RALYL: variants seen among roughly 807,000 people sequenced by gnomAD.
RALYL encodes the protein RNA-binding Raly-like protein.
Under a neutral mutation model 35.1 loss-of-function variants are expected in RALYL, and 29 were observed. The ratio of observed to expected loss-of-function variants is 0.83; its 90% CI spans 0.61 to 1.13. The LOEUF (loss-of-function observed/expected upper bound fraction) is 1.13. Among genes scored for constraint, RALYL ranks in the 50% most tolerant of loss-of-function variants. RALYL has a pLI of 0.00. For synonymous variants in RALYL, 120 were observed against 127.6 expected (o/e 0.94, Z 0.40); for missense variants, 359 against 360.4 (o/e 1.00, Z 0.03).
At chr8:84,733,021 A>G (rs982231311) in intron 2 of RALYL, among the ~76,000 whole-genome samples, 2 of 152,008 alleles carry the variant, frequency 1.3e-5, no homozygotes, top group Non-Finnish European at 2.9e-5. Context: ...GAAAATTAGT[A>G]TGCATTTTAC....
intron 2 of RALYL, among the ~76,000 whole-genome samples, chr8:84,763,643 G>A (rs143220433): frequency 4.5e-4 from 69 of 152,198 alleles, no homozygotes; most frequent in Non-Finnish European, 7.5e-4. Context: ...TTTATCTCTT[G>A]ATAAAATATA....
intron 2 of RALYL, among the ~76,000 whole-genome samples, chr8:84,610,101 G>A (rs899464525): frequency 2.0e-5 from 3 of 152,040 alleles, no homozygotes; most frequent in African/African-American, 7.2e-5. Flanking sequence ...GATTTGGGTA[G>A]GGACACAGCC....
At chr8:84,837,466 C>T (rs751527653) in intron 4 of RALYL, among the ~76,000 whole-genome samples, 11 of 151,964 alleles carry the variant, frequency 7.2e-5, no homozygotes, top group East Asian at 3.9e-4. Flanking sequence ...TAATGAAGTT[C>T]GGTGAGGGAA....
intron 1 of RALYL, among the ~76,000 whole-genome samples, chr8:84,283,944 C>A (rs1379995141): frequency 6.6e-6 from 1 of 151,188 alleles, no homozygotes. Flanking sequence ...TTAAATGGAA[C>A]CTTACATTAG....
chr8:84,224,953 C>G (rs1001065857), intron 1 of RALYL, among the ~76,000 whole-genome samples: 1 of 152,204 alleles, frequency 6.6e-6, no homozygotes, highest in Non-Finnish European at 1.5e-5. Context: ...CTGCACCCGG[C>G]CACTTCATTA....
At chr8:84,618,324 G>A (rs1820361369) in intron 2 of RALYL, among the ~76,000 whole-genome samples, 1 of 151,756 alleles carries the variant, frequency 6.6e-6, no homozygotes, top group Non-Finnish European at 1.5e-5. Flanking sequence ...AGTCTTGGGA[G>A]GGTGTATGTG....
At chr8:84,689,826 C>T (rs968694598) in intron 2 of RALYL, among the ~76,000 whole-genome samples, 1 of 151,928 alleles carries the variant, frequency 6.6e-6, no homozygotes, top group African/African-American at 2.4e-5. Flanking sequence ...CTCTGATGGC[C>T]AGTGATGGTG....
intron 4 of RALYL, among the ~76,000 whole-genome samples, chr8:84,819,133 G>T (rs186760232): frequency 6.6e-6 from 1 of 151,678 alleles, no homozygotes; most frequent in Non-Finnish European, 1.5e-5. Context: ...ACTTTTTTGC[G>T]TTTTTTTTAA....
At chr8:84,627,496 T>C (rs898141846) in intron 2 of RALYL, among the ~76,000 whole-genome samples, 1 of 149,420 alleles carries the variant, frequency 6.7e-6, no homozygotes, top group South Asian at 2.2e-4. Flanking sequence ...TTTTCAGTTT[T>C]TATCTCCTAG....
At chr8:84,364,881 A>G (rs1461133625) in intron 1 of RALYL, among the ~76,000 whole-genome samples, 3 of 152,170 alleles carry the variant, frequency 2.0e-5, no homozygotes, top group African/African-American at 7.2e-5. Context: ...TATGATTTAG[A>G]AAAGTTTACC....
chr8:84,728,671 C>T, intron 2 of RALYL, among the ~76,000 whole-genome samples: 1 of 152,078 alleles, frequency 6.6e-6, no homozygotes, highest in Non-Finnish European at 1.5e-5. Context: ...AGGAAGGGAT[C>T]CAGTTTCAGC....
chr8:84,615,643 G>T (rs1819390632), intron 2 of RALYL, among the ~76,000 whole-genome samples: 1 of 106,390 alleles, frequency 9.4e-6, no homozygotes. Context: ...TGTGCACATT[G>T]TGCAGCTTAG....
chr8:84,282,005 T>G (rs886837207), intron 1 of RALYL, among the ~76,000 whole-genome samples: 2 of 152,078 alleles, frequency 1.3e-5, no homozygotes, highest in African/African-American at 4.8e-5. Context: ...CTTTCAGTTA[T>G]CTGAGCATGT....
chr8:84,586,548 A>G (rs2136053750), intron 2 of RALYL, among the ~76,000 whole-genome samples: 1 of 152,316 alleles, frequency 6.6e-6, no homozygotes, highest in African/African-American at 2.4e-5. Context: ...TCATCTATTA[A>G]GGATGTATAA....
chr8:84,490,653 C>G (rs2055181569), intron 1 of RALYL, among the ~76,000 whole-genome samples: 1 of 151,412 alleles, frequency 6.6e-6, no homozygotes, highest in African/African-American at 2.4e-5. Flanking sequence ...AGGAAGTGGG[C>G]ATTTCCAAGA....
At chr8:84,888,621 A>T (rs1454811076) in intron 8 of RALYL, among the ~76,000 whole-genome samples, 1 of 152,122 alleles carries the variant, frequency 6.6e-6, no homozygotes, top group East Asian at 1.9e-4. Flanking sequence ...TAGTTACTTA[A>T]CTCATTTTGT....
At chr8:84,555,046 T>G (rs535484315) in intron 2 of RALYL, among the ~76,000 whole-genome samples, 3 of 152,126 alleles carry the variant, frequency 2.0e-5, no homozygotes, top group Non-Finnish European at 4.4e-5. Context: ...TTTGGGAGGC[T>G]AAGGCGGGCA....
chr8:84,803,844 T>C (rs1179297925), intron 3 of RALYL, among the ~76,000 whole-genome samples: 2 of 152,248 alleles, frequency 1.3e-5, no homozygotes, highest in African/African-American at 4.8e-5. Flanking sequence ...TTTAGCCTAA[T>C]TCTAAGATAG....
At chr8:84,289,497 T>TA (rs1346254107) in intron 1 of RALYL, among the ~76,000 whole-genome samples, 5 of 152,192 alleles carry the variant, frequency 3.3e-5, no homozygotes, top group Non-Finnish European at 5.9e-5. Flanking sequence ...AAGAATGTTT[T>TA]AAAACCAGTT....
Sources: allele counts gnomAD v4.1 joint callset (sites outside exome capture counted in the v4.1 genomes callset), GRCh38; gene constraint gnomAD v4.1.1; transcripts MANE v1.5; gene names NCBI Gene and HGNC (gene_info 2026-07-23, HGNC 2026-07-21).